The following ESYT2 variants were observed in gnomAD, a reference collection of about 807,000 sequenced individuals.
ESYT2 encodes the protein extended synaptotagmin 2.
ESYT2 carries 54 observed loss-of-function variants against 107.2 expected under a neutral mutation model. The observed-to-expected ratio is 0.50, with a 90% confidence interval of 0.40 to 0.63. ESYT2 has a LOEUF of 0.63. ESYT2 is among the 30% of genes least tolerant of loss of function. The pLI, the probability that ESYT2 is intolerant of heterozygous loss-of-function variation, is 0.00. For synonymous variants in ESYT2, 491 were observed against 434.1 expected, an observed-to-expected ratio of 1.13 and a Z score of -1.63; for missense variants, 1,020 against 1,094.5, an observed-to-expected ratio of 0.93 and a Z score of 0.96.
At position 158,772,795 on chromosome 7, in the gene ESYT2, G is replaced by A. The variant is rs561463372; in HGVS notation, c.803+546C>T. Among the ~76,000 whole-genome samples, 245 of 151,338 alleles carry A rather than the reference G, an allele frequency of 1.6e-3. 1 individual carries two copies. The highest frequency in any genetic ancestry group is 2.7e-3 in the Non-Finnish European group (183 of 67,912). On this transcript the variant is annotated intron_variant, in intron 7 of 22. Coordinates refer to ENST00000275418, the MANE Select transcript of ESYT2 (RefSeq NM_001367773.1). ...GAAGGGACTCCCAGTGAAATGATACGGAACTTCAAGTTCCTCACCTCTCAC... is the reference window on the plus strand; with the variant it reads ...GAAGGGACTCCCAGTGAAATGATACAGAACTTCAAGTTCCTCACCTCTCAC...
intron 7 of ESYT2, among the ~76,000 whole-genome samples, chr7:158,772,121 CAA>C (rs896381292): frequency 3.1e-5 from 4 of 127,312 alleles, no homozygotes; most frequent in African/African-American, 5.8e-5. Context: ...GATTCCATCT[CAA>C]AAAAAAAAAA....
chr7:158,784,789 A>G (rs957215921), intron 6 of ESYT2, among the ~76,000 whole-genome samples: 2 of 152,218 alleles, frequency 1.3e-5, no homozygotes, highest in Non-Finnish European at 2.9e-5. Context: ...AACAGAAGAC[A>G]CTGTTTCCAT....
chr7:158,820,333 GAA>G, intron 1 of ESYT2, among the ~76,000 whole-genome samples: 1 of 152,212 alleles, frequency 6.6e-6, no homozygotes, highest in South Asian at 2.1e-4. Flanking sequence ...ATATATTCTT[GAA>G]AAAGTCACTA....
At chr7:158,808,704 C>CT (rs959347752) in intron 1 of ESYT2, among the ~76,000 whole-genome samples, 3 of 151,732 alleles carry the variant, frequency 2.0e-5, no homozygotes, top group Non-Finnish European at 4.4e-5. Context: ...AATCCCAGGA[C>CT]TTTGCCTGTA....
chr7:158,743,428 C>CA, intron 17 of ESYT2, 101 bp downstream of exon 17: 1 of 1,474,364 alleles, frequency 6.8e-7, no homozygotes, highest in South Asian at 1.3e-5. Context: ...GCAGCCGACA[C>CA]AGAGCTTTCT....
chr7:158,735,998 G>A (rs1836930685), intron 20 of ESYT2, among the ~76,000 whole-genome samples: 1 of 152,120 alleles, frequency 6.6e-6, no homozygotes, highest in Non-Finnish European at 1.5e-5. Context: ...TTAGTCTTCA[G>A]GCCCTATTCC....
intron 18 of ESYT2, among the ~76,000 whole-genome samples, chr7:158,739,810 C>A (rs1465964913): frequency 6.6e-6 from 1 of 152,088 alleles, no homozygotes; most frequent in Non-Finnish European, 1.5e-5. Flanking sequence ...CTTCGCAGTT[C>A]AGATGCAACA....
chr7:158,741,731 C>T lies in ESYT2; in HGVS notation c.1960G>A (p.Gly654Arg). Residue 654 changes from glycine to arginine, a missense_variant, in exon 18 of 23, where the codon GGG becomes AGG. Coordinates refer to ENST00000275418, the MANE Select transcript of ESYT2 (RefSeq NM_001367773.1). Reference protein sequence around the residue: ...SNTAPSTPVIGGSDKPGMEEK... With the variant: ...SNTAPSTPVIRGSDKPGMEEK... ...TCCATACCAGGCTTATCACTGCCCC[C>T]AATGACTGGTGTGGATGGAGCTGTG... is the stretch of plus-strand genomic sequence containing the variant. 1 of 1,614,114 alleles carries T rather than the reference C, an allele frequency of 6.2e-7. No homozygotes were observed. Among genetic ancestry groups the T allele is most frequent in the Non-Finnish European group, 8.5e-7 (1 of 1,180,024 alleles).
In ESYT2 at chr7:158,761,528, T is replaced by C; in HGVS notation, c.1201A>G (p.Ile401Val). ...DFLGSLMIDL[I>V]EVEKERLLDE... Reference sequence around the variant, plus strand: ...AAAAGGCGCTCCTTTTCAACTTCAATGAGGTCAATCATAAGACTATAAAAA... The same window carrying C: ...AAAAGGCGCTCCTTTTCAACTTCAACGAGGTCAATCATAAGACTATAAAAA... The change falls in exon 11 of 23, where the codon ATT becomes GTT. Residue 401 changes from isoleucine to valine, a missense_variant. Physicochemically the swap from Ile to Val is conservative, Grantham distance 29 (BLOSUM62 3). Coordinates refer to ENST00000275418, the MANE Select transcript of ESYT2 (RefSeq NM_001367773.1). 1.2e-6 allele frequency: 2 copies of C among 1,613,982 alleles called. No homozygotes were observed. The highest frequency in any genetic ancestry group is 1.7e-6 in the Non-Finnish European group (2 of 1,179,924).
At chr7:158,781,640 G>C in intron 6 of ESYT2, among the ~76,000 whole-genome samples, 1 of 151,842 alleles carries the variant, frequency 6.6e-6, no homozygotes, top group South Asian at 2.1e-4. Context: ...AACAAAGTGA[G>C]GTGTGTGAAA....
chr7:158,826,819 C>CAAAAAA (rs10685364), intron 1 of ESYT2, among the ~76,000 whole-genome samples: 3 of 117,020 alleles, frequency 2.6e-5, no homozygotes, highest in Admixed American at 9.3e-5. Context: ...GATTCCGTCT[C>CAAAAAA]AAAAAAAAAA....
In ESYT2 at chr7:158,809,344, C is replaced by CAT. The variant is rs1381469449; in HGVS notation, c.331-10273_331-10272insAT. Among the ~76,000 whole-genome samples the CAT allele has an allele frequency of 4.0e-5, 6 of 151,778 alleles. No individual in the cohort carries two copies. In the East Asian group the frequency reaches 9.8e-4, roughly 25 times the overall value. ...TACAAAAAGTAGCTGGGCGTGGTGGCGTGCATCTGTAGTCCCTGCTACTCG... is the reference window on the plus strand; with the variant it reads ...TACAAAAAGTAGCTGGGCGTGGTGGCATGTGCATCTGTAGTCCCTGCTACTCG... On this transcript the variant is annotated intron_variant, in intron 1 of 22. Coordinates refer to ENST00000275418, the MANE Select transcript of ESYT2 (RefSeq NM_001367773.1).
chr7:158,738,302 A>T (rs968091556), intron 19 of ESYT2, among the ~76,000 whole-genome samples: 1 of 141,038 alleles, frequency 7.1e-6, no homozygotes, highest in African/African-American at 2.7e-5. Flanking sequence ...ACAAAGTAAA[A>T]CTCTGTCTCC....
intron 1 of ESYT2, among the ~76,000 whole-genome samples, chr7:158,818,678 C>T (rs747375104): frequency 1.3e-5 from 2 of 152,234 alleles, no homozygotes; most frequent in South Asian, 2.1e-4. Flanking sequence ...CTGGCCTCTC[C>T]GCATTCCAGC....
chr7:158,776,377 G>T (rs1838563259), intron 6 of ESYT2, among the ~76,000 whole-genome samples: 1 of 152,228 alleles, frequency 6.6e-6, no homozygotes, highest in Non-Finnish European at 1.5e-5. Flanking sequence ...TCTTCTTCCA[G>T]CAGAAGGATG....
intron 1 of ESYT2, among the ~76,000 whole-genome samples, chr7:158,821,123 A>C (rs1490237471): frequency 6.6e-6 from 1 of 152,226 alleles, no homozygotes; most frequent in African/African-American, 2.4e-5. Flanking sequence ...AAAATAAATG[A>C]AGAAAAGAAA....
intron 1 of ESYT2, among the ~76,000 whole-genome samples, chr7:158,809,459 A>T (rs1839929454): frequency 1.7e-5 from 2 of 118,876 alleles, no homozygotes; most frequent in African/African-American, 6.2e-5. Context: ...CTGGCTACAG[A>T]GTAAGAATCC....
intron 6 of ESYT2, among the ~76,000 whole-genome samples, chr7:158,783,165 C>G (rs972433258): frequency 1.2e-4 from 18 of 152,096 alleles, no homozygotes; most frequent in African/African-American, 4.3e-4. Context: ...GGCTTTTCTA[C>G]GAGAAGCAGA....
intron 6 of ESYT2, among the ~76,000 whole-genome samples, chr7:158,775,449 G>A (rs1838528692): frequency 6.6e-6 from 1 of 152,194 alleles, no homozygotes; most frequent in African/African-American, 2.4e-5. Context: ...CTCAAACCCT[G>A]CTACTCCTTT....
Sources: allele counts gnomAD v4.1 joint callset (sites outside exome capture counted in the v4.1 genomes callset), GRCh38; gene constraint gnomAD v4.1.1; transcripts MANE v1.5; gene names NCBI Gene and HGNC (gene_info 2026-07-23, HGNC 2026-07-21).